The following LCLAT1 variants were observed in gnomAD, a reference collection of about 807,000 sequenced individuals.
LCLAT1 encodes 1-AGP acyltransferase 8.
Under a neutral mutation model 30.7 loss-of-function variants are expected in LCLAT1, and 11 were observed. The observed-to-expected ratio is 0.36, with a 90% CI of 0.23 to 0.59. The LOEUF is 0.59. Among genes scored for constraint, LCLAT1 ranks in the 20% least tolerant of loss-of-function variants. LCLAT1 has a pLI of 0.77. For synonymous variants in LCLAT1, 155 were observed against 151.3 expected (o/e 1.02, Z -0.18); for missense variants, 402 against 458.6 (o/e 0.88, Z 1.13).
chr2:30,480,412 C>G (rs1413188721), intron 1 of LCLAT1, among the ~76,000 whole-genome samples: 1 of 152,130 alleles, frequency 6.6e-6, no homozygotes, highest in Non-Finnish European at 1.5e-5. Context: ...CCAGGCTGGT[C>G]TCCAACTTCT....
chr2:30,472,597 T>C (rs1682854039), intron 1 of LCLAT1, among the ~76,000 whole-genome samples: 2 of 152,216 alleles, frequency 1.3e-5, no homozygotes, highest in African/African-American at 4.8e-5. Context: ...TATTCTTGCA[T>C]TTGGTAAAGT....
intron 1 of LCLAT1, among the ~76,000 whole-genome samples, chr2:30,451,099 G>T (rs1236688567): frequency 1.3e-5 from 2 of 152,216 alleles, no homozygotes; most frequent in African/African-American, 4.8e-5. Context: ...AGAATGGCCA[G>T]TATGCACATA....
At chr2:30,487,150 C>CT (rs1250091678) in intron 1 of LCLAT1, among the ~76,000 whole-genome samples, 4 of 152,090 alleles carry the variant, frequency 2.6e-5, no homozygotes, top group Admixed American at 2.0e-4. Context: ...GATGGTAGAC[C>CT]TTTGGAAGAA....
chr2:30,475,725 G>A (rs1683013100), intron 1 of LCLAT1, among the ~76,000 whole-genome samples: 1 of 152,136 alleles, frequency 6.6e-6, no homozygotes, highest in Admixed American at 6.6e-5. Flanking sequence ...TTCTGATACA[G>A]TTTCTCCTAA....
At chr2:30,469,774 G>C (rs1221334273) in intron 1 of LCLAT1, among the ~76,000 whole-genome samples, 3 of 151,892 alleles carry the variant, frequency 2.0e-5, no homozygotes, top group Non-Finnish European at 4.4e-5. Flanking sequence ...CCTGTGCCCA[G>C]CTAATTTTTT....
intron 5 of LCLAT1, among the ~76,000 whole-genome samples, chr2:30,631,707 T>C (rs1668778695): frequency 6.6e-6 from 1 of 152,244 alleles, no homozygotes; most frequent in African/African-American, 2.4e-5. Flanking sequence ...CTGAAGAAGC[T>C]TGAAATTAAC....
intron 3 of LCLAT1, among the ~76,000 whole-genome samples, chr2:30,552,917 C>T (rs1171508120): frequency 2.0e-5 from 3 of 152,164 alleles, no homozygotes; most frequent in Non-Finnish European, 4.4e-5. Flanking sequence ...TCTGTGGTTG[C>T]ATCCACATCG....
At chr2:30,485,083 G>A (rs571776737) in intron 1 of LCLAT1, among the ~76,000 whole-genome samples, 27 of 152,196 alleles carry the variant, frequency 1.8e-4, no homozygotes, top group African/African-American at 6.5e-4. Flanking sequence ...ATATTGTTAA[G>A]TCACTTAGTG....
At chr2:30,479,933 C>T (rs776527581) in intron 1 of LCLAT1, among the ~76,000 whole-genome samples, 4 of 152,176 alleles carry the variant, frequency 2.6e-5, no homozygotes, top group Non-Finnish European at 5.9e-5. Context: ...ACCTCTTTGC[C>T]TTAGTGATTG....
intron 1 of LCLAT1, among the ~76,000 whole-genome samples, chr2:30,504,953 A>C (rs966938159): frequency 2.0e-5 from 3 of 152,152 alleles, no homozygotes; most frequent in African/African-American, 7.2e-5. Context: ...TCCTTCCAAA[A>C]ATGGTATTGC....
At chr2:30,625,688 G>C (rs144840655) in intron 5 of LCLAT1, among the ~76,000 whole-genome samples, 7 of 152,272 alleles carry the variant, frequency 4.6e-5, no homozygotes, top group African/African-American at 1.7e-4. Context: ...TATATATTTT[G>C]TAGATTTACA....
At chr2:30,605,291 A>AGGTATAAACT (rs1305697428) in intron 5 of LCLAT1, among the ~76,000 whole-genome samples, 1 of 152,246 alleles carries the variant, frequency 6.6e-6, no homozygotes, top group Admixed American at 6.5e-5. Flanking sequence ...GACCAGCTAA[A>AGGTATAAACT]GGTATAAACT....
At chr2:30,558,597 CAAAAAAAAAAA>C (rs36075365) in intron 3 of LCLAT1, among the ~76,000 whole-genome samples, 4 of 83,274 alleles carry the variant, frequency 4.8e-5, no homozygotes, top group African/African-American at 1.8e-4. Context: ...GACTTTGTCT[CAAAAAAAAAAA>C]AAAAAAAAAA....
intron 1 of LCLAT1, among the ~76,000 whole-genome samples, chr2:30,492,365 G>C (rs1338379301): frequency 3.3e-5 from 5 of 152,084 alleles, no homozygotes; most frequent in Non-Finnish European, 5.9e-5. Context: ...TTCCTTGAGA[G>C]GAGTAAAGCG....
intron 5 of LCLAT1, among the ~76,000 whole-genome samples, chr2:30,631,200 G>A (rs1668753389): frequency 6.6e-6 from 1 of 152,154 alleles, no homozygotes; most frequent in Non-Finnish European, 1.5e-5. Flanking sequence ...GACCTCTATG[G>A]TGTCAGCTGT....
At chr2:30,560,272 A>C (rs936643762) in intron 3 of LCLAT1, among the ~76,000 whole-genome samples, 4 of 148,510 alleles carry the variant, frequency 2.7e-5, no homozygotes, top group Admixed American at 6.9e-5. Context: ...TACCCAGGCC[A>C]AATAAAGTGT....
chr2:30,473,686 A>G (rs1283352206), intron 1 of LCLAT1, among the ~76,000 whole-genome samples: 4 of 152,160 alleles, frequency 2.6e-5, no homozygotes, highest in Admixed American at 2.0e-4. Flanking sequence ...AAATTGTGCT[A>G]TTGGATTGAC....
intron 1 of LCLAT1, among the ~76,000 whole-genome samples, chr2:30,524,629 C>T (rs538800091): frequency 1.3e-5 from 2 of 152,302 alleles, no homozygotes; most frequent in East Asian, 3.9e-4. Flanking sequence ...ATCCCTTTGT[C>T]CAGTGCATTG....
intron 4 of LCLAT1, among the ~76,000 whole-genome samples, chr2:30,566,372 A>G (rs1207089857): frequency 2.6e-5 from 4 of 152,166 alleles, no homozygotes; most frequent in African/African-American, 9.7e-5. Context: ...TCAGCTGTCT[A>G]TAATATAAAT....
Sources: allele counts gnomAD v4.1 joint callset (sites outside exome capture counted in the v4.1 genomes callset), GRCh38; gene constraint gnomAD v4.1.1; transcripts MANE v1.5; gene names NCBI Gene and HGNC (gene_info 2026-07-23, HGNC 2026-07-21).